SLC7A2: variants seen among roughly 807,000 people sequenced by gnomAD.
The protein encoded by SLC7A2 is cationic amino acid transporter 2.
Under a neutral mutation model 58.9 loss-of-function variants are expected in SLC7A2, and 48 were observed. The ratio of observed to expected loss-of-function variants is 0.82; its 90% CI spans 0.65 to 1.04. The LOEUF (loss-of-function observed/expected upper bound fraction) is 1.04. Among genes scored for constraint, SLC7A2 ranks in the 50% least tolerant of loss-of-function variants. The pLI is 0.00. For missense variants in SLC7A2, 1,029 were observed against 818.8 expected (o/e 1.26, Z -3.13); for synonymous variants, 363 against 314.5 (o/e 1.15, Z -1.63).
intron 2 of SLC7A2, among the ~76,000 whole-genome samples, chr8:17,531,612 G>A (rs1403725883): frequency 6.6e-6 from 1 of 151,842 alleles, no homozygotes; most frequent in African/African-American, 2.4e-5. Flanking sequence ...GAGATGGTTT[G>A]AATTTTAAAT....
At chr8:17,557,014 C>T (rs955665904) in intron 8 of SLC7A2, among the ~76,000 whole-genome samples, 1 of 152,118 alleles carries the variant, frequency 6.6e-6, no homozygotes. Flanking sequence ...GACGGGTAGT[C>T]GTGGCCTTGC....
intron 2 of SLC7A2, among the ~76,000 whole-genome samples, chr8:17,520,513 C>A (rs771315486): frequency 6.6e-6 from 1 of 151,286 alleles, no homozygotes; most frequent in East Asian, 2.0e-4. Context: ...TGGTGGCACA[C>A]GTCTGTAATC....
chr8:17,507,006 G>T (rs1563433332), intron 2 of SLC7A2, among the ~76,000 whole-genome samples: 1 of 149,198 alleles, frequency 6.7e-6, no homozygotes, highest in Admixed American at 6.7e-5. Context: ...GTGCAATGGT[G>T]CAATCTTGGC....
chr8:17,496,017 T>G (rs994967194), upstream of SLC7A2, among the ~76,000 whole-genome samples: 3 of 152,244 alleles, frequency 2.0e-5, no homozygotes, highest in Admixed American at 6.5e-5. Context: ...AAATTGTATA[T>G]GTACTGTGAG....
chr8:17,547,885 A>G (rs558180647), intron 4 of SLC7A2, among the ~76,000 whole-genome samples: 167 of 151,910 alleles, frequency 1.1e-3, no homozygotes, highest in South Asian at 3.7e-3. Context: ...GTGTCTTCAA[A>G]GTACTTGAAT....
intron 8 of SLC7A2, among the ~76,000 whole-genome samples, chr8:17,556,440 A>G (rs2150767751): frequency 6.6e-6 from 1 of 152,190 alleles, no homozygotes; most frequent in East Asian, 1.9e-4. Flanking sequence ...AAAATGCTCT[A>G]AAATATTTTT....
At chr8:17,550,213 A>G (rs1194330718) in intron 5 of SLC7A2, 88 bp from the exon 6 acceptor site, 1 of 1,244,214 alleles carries the variant, frequency 8.0e-7, no homozygotes, top group Non-Finnish European at 1.1e-6. Context: ...AAACACAACC[A>G]CCTTCCAAGG....
At chr8:17,561,454 C>G (rs887700751) in intron 10 of SLC7A2, among the ~76,000 whole-genome samples, 2 of 152,098 alleles carry the variant, frequency 1.3e-5, no homozygotes, top group African/African-American at 4.8e-5. Context: ...GCTTACTGTT[C>G]AATTATCTTG....
chr8:17,548,599 C>G (rs1314680316), intron 4 of SLC7A2, 79 bp from the exon 5 acceptor site: 1 of 994,386 alleles, frequency 1.0e-6, no homozygotes, highest in African/African-American at 1.6e-5. Flanking sequence ...GAAATAATAT[C>G]CTAAAGTCAT....
At chr8:17,546,250 T>A (rs1802168375) in intron 4 of SLC7A2, among the ~76,000 whole-genome samples, 1 of 152,230 alleles carries the variant, frequency 6.6e-6, no homozygotes, top group African/African-American at 2.4e-5. Flanking sequence ...GAACATAGTT[T>A]AATTCCACAG....
At chr8:17,531,514 A>T (rs13262614) in intron 2 of SLC7A2, among the ~76,000 whole-genome samples, 34,715 of 151,988 alleles carry the variant, frequency 0.23, 4,139 homozygotes, top group East Asian at 0.38. Context: ...TATGAATTAT[A>T]TTCTTTGTAA....
At chr8:17,538,981 A>T in intron 2 of SLC7A2, 1 of 1,463,150 alleles carries the variant, frequency 6.8e-7, no homozygotes. Context: ...TGAAATGTCA[A>T]CCTTTACTTA....
intron 3 of SLC7A2, 25 bp from the exon 4 acceptor site, chr8:17,544,426 G>C (rs372322165): frequency 9.4e-5 from 150 of 1,604,236 alleles, no homozygotes; most frequent in Non-Finnish European, 1.3e-4. Flanking sequence ...CAGTGACTTC[G>C]TATTCTCTGT....
chr8:17,563,267 A>T (rs1033114607), intron 11 of SLC7A2, among the ~76,000 whole-genome samples: 9 of 152,292 alleles, frequency 5.9e-5, no homozygotes, highest in African/African-American at 2.2e-4. Flanking sequence ...TCCTGGGAGG[A>T]TGTACCTGGG....
intron 2 of SLC7A2, among the ~76,000 whole-genome samples, chr8:17,509,785 A>G (rs965729865): frequency 6.6e-6 from 1 of 152,164 alleles, no homozygotes. Context: ...GCTGAATGGA[A>G]TCTTCCACGT....
chr8:17,550,562 C>T (rs1204623564), intron 6 of SLC7A2, 128 bp downstream of exon 6: 1 of 738,590 alleles, frequency 1.4e-6, no homozygotes, highest in Non-Finnish European at 2.1e-6. Flanking sequence ...GTTCCAGGCC[C>T]AGCTGTGACA....
At chr8:17,548,618 CT>C in intron 4 of SLC7A2, 59 bp from the exon 5 acceptor site, 1 of 1,284,078 alleles carries the variant, frequency 7.8e-7, no homozygotes, top group Non-Finnish European at 1.1e-6. Flanking sequence ...ATGTATTTGC[CT>C]CAAAATGCTA....
chr8:17,557,809 C>G (rs913074181), intron 8 of SLC7A2, among the ~76,000 whole-genome samples: 1 of 151,744 alleles, frequency 6.6e-6, no homozygotes, highest in Non-Finnish European at 1.5e-5. Context: ...CCCTGGGTGA[C>G]AAAGTGAGCC....
intron 2 of SLC7A2, among the ~76,000 whole-genome samples, chr8:17,508,292 C>CT (rs1563434670): frequency 6.6e-6 from 1 of 152,170 alleles, no homozygotes; most frequent in South Asian, 2.1e-4. Flanking sequence ...TTATTCTGGT[C>CT]TTTTTTGCTA....
Sources: gnomAD v4.1 joint callset for allele counts (sites outside exome capture counted in the v4.1 genomes callset) on GRCh38, gnomAD v4.1.1 for gene constraint, MANE v1.5 for transcripts, NCBI Gene and HGNC (gene_info 2026-07-23, HGNC 2026-07-21) for gene names.